SEMA6D: variants seen among roughly 807,000 people sequenced by gnomAD.
SEMA6D encodes semaphorin-6D.
SEMA6D carries 35 observed loss-of-function variants against 106.6 expected under a neutral mutation model. The observed-to-expected ratio is 0.33, with a 90% CI of 0.25 to 0.44. The LOEUF (loss-of-function observed/expected upper bound fraction) is 0.44, where lower values mean the gene tolerates loss of function less well. SEMA6D is among the 20% of genes least tolerant of loss of function. The probability of loss-of-function intolerance (pLI) is 1.00; values close to 1 mark genes in which losing one functional copy is unlikely to be tolerated. For missense variants in SEMA6D, 1,185 were observed against 1,345.9 expected (o/e 0.88, Z 1.87); for synonymous variants, 499 against 487.7 (o/e 1.02, Z -0.31).
chr15:47,533,916 G>A (rs1348928068), intron 3 of SEMA6D, among the ~76,000 whole-genome samples: 2 of 152,198 alleles, frequency 1.3e-5, no homozygotes, highest in African/African-American at 4.8e-5. Context: ...GCAGAATTGT[G>A]TCAGATTTAT....
At chr15:47,261,194 T>A (rs1421871191) in intron 1 of SEMA6D, among the ~76,000 whole-genome samples, 1 of 152,176 alleles carries the variant, frequency 6.6e-6, no homozygotes. Flanking sequence ...GTTTGTTCAC[T>A]CATGTGTTTG....
chr15:47,231,900 A>G (rs2032220474), intron 1 of SEMA6D, among the ~76,000 whole-genome samples: 1 of 152,026 alleles, frequency 6.6e-6, no homozygotes, highest in Non-Finnish European at 1.5e-5. Flanking sequence ...TGAATAATTC[A>G]GTGGCTTTTA....
intron 3 of SEMA6D, among the ~76,000 whole-genome samples, chr15:47,513,963 A>G (rs1706490415): frequency 6.6e-6 from 1 of 152,246 alleles, no homozygotes; most frequent in African/African-American, 2.4e-5. Context: ...CATTCGCAGG[A>G]TAATCCTTGA....
At chr15:47,273,588 G>A (rs928195112) in intron 1 of SEMA6D, among the ~76,000 whole-genome samples, 23 of 152,230 alleles carry the variant, frequency 1.5e-4, no homozygotes, top group African/African-American at 5.5e-4. Context: ...TCTATCCTTA[G>A]CCGGAAAATA....
chr15:47,587,287 C>T (rs1277821528), intron 3 of SEMA6D, among the ~76,000 whole-genome samples: 1 of 152,230 alleles, frequency 6.6e-6, no homozygotes, highest in Non-Finnish European at 1.5e-5. Flanking sequence ...CTCCTCTACA[C>T]TTCTTCCATT....
At chr15:47,602,845 C>A (rs1369641) in intron 4 of SEMA6D, among the ~76,000 whole-genome samples, 30,982 of 151,990 alleles carry the variant, frequency 0.2, 3,935 homozygotes, top group African/African-American at 0.34. Flanking sequence ...GAAACTCTTG[C>A]AATGGTTTGT....
chr15:47,237,889 A>G (rs2032654830), intron 1 of SEMA6D, among the ~76,000 whole-genome samples: 1 of 152,100 alleles, frequency 6.6e-6, no homozygotes, highest in Non-Finnish European at 1.5e-5. Flanking sequence ...CTTAAGCACA[A>G]CAAAACTGTA....
intron 2 of SEMA6D, among the ~76,000 whole-genome samples, chr15:47,459,195 G>T (rs1370548614): frequency 2.6e-5 from 4 of 152,078 alleles, no homozygotes; most frequent in African/African-American, 9.7e-5. Flanking sequence ...GAGTGACCAT[G>T]TTGGAGAAAT....
At chr15:47,389,787 T>C (rs1166809125) in intron 1 of SEMA6D, among the ~76,000 whole-genome samples, 1 of 152,234 alleles carries the variant, frequency 6.6e-6, no homozygotes, top group Non-Finnish European at 1.5e-5. Flanking sequence ...TCTCTGTGTA[T>C]GTAACTCATT....
At chr15:47,725,801 ATCAAG>A (rs1479178384) in intron 1 of SEMA6D, among the ~76,000 whole-genome samples, 1 of 133,206 alleles carries the variant, frequency 7.5e-6, no homozygotes, top group East Asian at 2.2e-4. Context: ...TTAGGGAATG[ATCAAG>A]TCAATTGCTT....
At position 47,764,660 on chromosome 15, in the gene SEMA6D, G is replaced by A. The variant is rs1004493671; in HGVS notation, c.1120G>A (p.Gly374Ser). The A allele has an allele frequency of 2.2e-5, 36 of 1,613,866 alleles. No homozygotes were observed. Among genetic ancestry groups the A allele is most frequent in the Admixed American group, 1.0e-4 (6 of 60,004 alleles). ...KPRPGCCAKHGLAEAYKTSID... is the reference protein window; with the variant it reads ...KPRPGCCAKHSLAEAYKTSID... ...CAGGCCTGGCTGTTGTGCAAAACAC[G>A]GCCTTGCCGAAGCTTATAAAACCTC... The change falls in exon 12 of 19, where the codon GGC becomes AGC. Residue 374 changes from glycine (G) to serine (S), a missense_variant. Transcript: ENST00000536845.
At chr15:47,295,740 G>A (rs877347) in intron 1 of SEMA6D, among the ~76,000 whole-genome samples, 65,179 of 152,112 alleles carry the variant, frequency 0.43, 16,479 homozygotes, top group Non-Finnish European at 0.56. Context: ...TCAGAGTTAC[G>A]TTTAAAATTT....
At chr15:47,579,225 T>C (rs978180284) in intron 3 of SEMA6D, among the ~76,000 whole-genome samples, 9 of 149,524 alleles carry the variant, frequency 6.0e-5, no homozygotes, top group Admixed American at 5.4e-4. Context: ...CACTGCAACC[T>C]CCACCTCCTG....
At chr15:47,640,586 A>C (rs2077470655) in intron 4 of SEMA6D, among the ~76,000 whole-genome samples, 1 of 152,176 alleles carries the variant, frequency 6.6e-6, no homozygotes, top group Non-Finnish European at 1.5e-5. Context: ...ATTAAAAAGA[A>C]AGGTGCTTAT....
intron 1 of SEMA6D, among the ~76,000 whole-genome samples, chr15:47,718,302 G>A (rs1397873956): frequency 6.6e-6 from 1 of 152,178 alleles, no homozygotes; most frequent in African/African-American, 2.4e-5. Flanking sequence ...AGGAGCGGGC[G>A]GGCGAGCATT....
chr15:47,642,239 T>C (rs1192938251), intron 4 of SEMA6D, among the ~76,000 whole-genome samples: 2 of 152,286 alleles, frequency 1.3e-5, no homozygotes, highest in Non-Finnish European at 2.9e-5. Flanking sequence ...GCATTAACTA[T>C]GGACAATAAC....
In SEMA6D at chr15:47,630,805, C is replaced by G. The variant is rs535660350; in HGVS notation, c.-55+29909C>G. On this transcript the variant is annotated intron_variant, in intron 4 of 19. Transcript: ENST00000558014. ...TTTTGCTAAGATTTTAAAAATCATA[C>G]ATTGGTATTAGACTTATTAAATGTT... Among the ~76,000 whole-genome samples, 4 of 151,910 alleles carry G rather than the reference C, an allele frequency of 2.6e-5. No individual in the cohort carries two copies. The South Asian group carries it at 8.3e-4, about 32-fold the overall frequency.
chr15:47,622,746 C>T (rs186919731), intron 4 of SEMA6D, among the ~76,000 whole-genome samples: 2 of 152,234 alleles, frequency 1.3e-5, no homozygotes, highest in East Asian at 3.9e-4. Context: ...GCATAAATTA[C>T]ATTTTAGCAT....
intron 2 of SEMA6D, among the ~76,000 whole-genome samples, chr15:47,428,515 CCAG>C (rs1184856535): frequency 5.7e-5 from 2 of 35,338 alleles, no homozygotes; most frequent in African/African-American, 1.8e-4. Context: ...ACCTGTAATC[CCAG>C]CACTTTAGGA....
Sources: gnomAD v4.1 joint callset for allele counts (sites outside exome capture counted in the v4.1 genomes callset) on GRCh38, gnomAD v4.1.1 for gene constraint, MANE v1.5 for transcripts, NCBI Gene and HGNC (gene_info 2026-07-23, HGNC 2026-07-21) for gene names.